The following KLRG1 variants were observed in gnomAD, a reference collection of about 807,000 sequenced individuals.
KLRG1 encodes killer cell lectin like receptor G1.
KLRG1 carries 16 observed loss-of-function variants against 21.8 expected under a neutral mutation model. That is an observed-to-expected ratio of 0.73 (90% CI 0.50 to 1.11). The LOEUF (loss-of-function observed/expected upper bound fraction) is 1.11, where lower values mean the gene tolerates loss of function less well. Ranked by LOEUF, KLRG1 falls within the 50% of genes most tolerant of loss-of-function variation. The pLI is 0.00. For missense variants in KLRG1, 173 were observed against 218.3 expected (o/e 0.79, Z 1.31); for synonymous variants, 69 against 75.9 (o/e 0.91, Z 0.47).
the KLRG1 span, chr12:9,201,312 T>G: frequency 2.6e-6 from 4 of 1,528,898 alleles, no homozygotes; most frequent in Non-Finnish European, 3.6e-6. Flanking sequence ...ATAAGATACT[T>G]TTTCTGATAC....
At chr12:9,155,431 T>G in the KLRG1 span, among the ~76,000 whole-genome samples, 1 of 152,194 alleles carries the variant, frequency 6.6e-6, no homozygotes, top group South Asian at 2.1e-4. Context: ...AGCATGTTCT[T>G]TCCTGCTAAT....
At chr12:9,033,218 C>T in the KLRG1 span, among the ~76,000 whole-genome samples, 1 of 152,106 alleles carries the variant, frequency 6.6e-6, no homozygotes, top group East Asian at 1.9e-4. Context: ...GGGAAGATCG[C>T]TTGAGCTTAG....
the KLRG1 span, chr12:9,068,292 G>C: frequency 2.0e-6 from 3 of 1,516,950 alleles, no homozygotes; most frequent in Admixed American, 1.8e-5. Flanking sequence ...GCAAACATCT[G>C]TGGGATACAG....
At chr12:9,009,240 A>G (rs1947572026) in intron 4 of KLRG1, among the ~76,000 whole-genome samples, 165 bp downstream of exon 4, 1 of 90,168 alleles carries the variant, frequency 1.1e-5, no homozygotes, top group Admixed American at 1.4e-4. Flanking sequence ...GTAAGGGCAA[A>G]AAAAAAAAAA....
At chr12:9,151,479 G>T in the KLRG1 span, 1 of 691,476 alleles carries the variant, frequency 1.4e-6, no homozygotes, top group Non-Finnish European at 2.4e-6. Flanking sequence ...TCTTGGAATA[G>T]ATAAACCTTT....
the KLRG1 span, among the ~76,000 whole-genome samples, chr12:9,186,479 G>T: frequency 1.3e-5 from 2 of 152,160 alleles, no homozygotes; most frequent in African/African-American, 4.8e-5. Context: ...GAAGAAGCAA[G>T]ACTCAGTGGT....
chr12:9,211,433 G>A, the KLRG1 span, among the ~76,000 whole-genome samples: 1 of 151,896 alleles, frequency 6.6e-6, no homozygotes, highest in African/African-American at 2.4e-5. Flanking sequence ...TAATTTTTGT[G>A]TGTTTTTTCT....
chr12:9,090,126 T>G, the KLRG1 span: 1 of 1,494,132 alleles, frequency 6.7e-7, no homozygotes, highest in Middle Eastern at 1.8e-4. Context: ...TTTTGTTTTA[T>G]TAAAACACAG....
At chr12:9,151,973 C>T in the KLRG1 span, among the ~76,000 whole-genome samples, 5 of 152,210 alleles carry the variant, frequency 3.3e-5, no homozygotes, top group Admixed American at 2.6e-4. Flanking sequence ...GTTTTGTGCC[C>T]ATGTGCTTTA....
chr12:9,095,268 T>C, the KLRG1 span, among the ~76,000 whole-genome samples: 6 of 152,228 alleles, frequency 3.9e-5, no homozygotes, highest in African/African-American at 1.4e-4. Context: ...TTAAACTCTT[T>C]CAACAGTAAT....
At chr12:8,985,439 A>G (rs913997910), upstream of KLRG1, among the ~76,000 whole-genome samples, 3 of 152,146 alleles carry the variant, frequency 2.0e-5, no homozygotes, top group Non-Finnish European at 4.4e-5. Context: ...CTCTAATTCA[A>G]TTCCGACATT....
chr12:9,196,450 TAA>T, the KLRG1 span: 35 of 1,597,102 alleles, frequency 2.2e-5, 1 homozygote, highest in South Asian at 2.8e-4. Context: ...CTGAAAAATA[TAA>T]AGAGTCAGTA....
chr12:9,023,469 G>A, the KLRG1 span, among the ~76,000 whole-genome samples: 85 of 152,198 alleles, frequency 5.6e-4, no homozygotes, highest in East Asian at 0.012. Context: ...CTAGTCCAAG[G>A]CCACAAAGGT....
the KLRG1 span, chr12:9,116,226 G>T: frequency 2.8e-5 from 8 of 290,570 alleles, no homozygotes; most frequent in Non-Finnish European, 4.8e-5. Context: ...CACATCTCTT[G>T]TATGAATAGC....
chr12:8,972,343 G>A (rs1008988064), intron 1 of KLRG1, among the ~76,000 whole-genome samples: 1 of 152,168 alleles, frequency 6.6e-6, no homozygotes, highest in African/African-American at 2.4e-5. Flanking sequence ...ATTTTTAGTA[G>A]AGACGGGGTT....
the KLRG1 span, among the ~76,000 whole-genome samples, chr12:9,212,684 G>A: frequency 0.9 from 136,373 of 152,042 alleles, 61,310 homozygotes; most frequent in East Asian, 1. Context: ...GAATGAATGT[G>A]CAATAAAGTT....
At chr12:9,032,247 A>G in the KLRG1 span, among the ~76,000 whole-genome samples, 2 of 152,196 alleles carry the variant, frequency 1.3e-5, no homozygotes, top group Non-Finnish European at 2.9e-5. Flanking sequence ...GCTGAGAACA[A>G]TAGGTGTTAA....
chr12:9,162,636 C>G, the KLRG1 span: 1 of 1,593,568 alleles, frequency 6.3e-7, no homozygotes, highest in Admixed American at 1.7e-5. Flanking sequence ...TTTTCTTGCT[C>G]AATACCTTCA....
the KLRG1 span, among the ~76,000 whole-genome samples, chr12:9,078,167 C>G: frequency 6.6e-6 from 1 of 152,078 alleles, no homozygotes. Flanking sequence ...CACCTATTGA[C>G]CCATCCGCTT....
Sources: gnomAD v4.1 joint callset for allele counts (sites outside exome capture counted in the v4.1 genomes callset) on GRCh38, gnomAD v4.1.1 for gene constraint, MANE v1.5 for transcripts, NCBI Gene and HGNC (gene_info 2026-07-23, HGNC 2026-07-21) for gene names.